Variants in DMD observed in about 807,000 individuals in gnomAD.
The protein encoded by DMD is dystrophin.
A neutral mutation model predicts 330.1 loss-of-function variants in DMD; 63 were observed. The ratio of observed to expected loss-of-function variants is 0.19; its 90% CI spans 0.16 to 0.24. The LOEUF (loss-of-function observed/expected upper bound fraction) is 0.24, where lower values mean the gene tolerates loss of function less well. Ranked by LOEUF, DMD falls within the 10% of genes least tolerant of loss-of-function variation. The pLI is 1.00. For synonymous variants in DMD, 1,223 were observed against 959.8 expected, an observed-to-expected ratio of 1.27 and a Z score of -5.07; for missense variants, 3,344 against 2,684.1, an observed-to-expected ratio of 1.25 and a Z score of -5.43.
At chrX:32,727,245 G>C (rs763846660) in intron 7 of DMD, among the ~76,000 whole-genome samples, 57 of 111,341 alleles carry the variant, frequency 5.1e-4, no homozygotes, top group African/African-American at 1.8e-3. Flanking sequence ...GCCCAGATTG[G>C]CTTAGATTAC....
chrX:31,823,530 T>A (rs1389052412), intron 49 of DMD, among the ~76,000 whole-genome samples: 1 of 111,623 alleles, frequency 9.0e-6, no homozygotes, highest in East Asian at 2.8e-4. Flanking sequence ...TATATATATA[T>A]GGGACTTGAA....
chrX:32,280,556 A>G (rs1012744956), intron 43 of DMD, among the ~76,000 whole-genome samples: 3 of 111,241 alleles, frequency 2.7e-5, no homozygotes, highest in Admixed American at 1.9e-4. Context: ...TAAGACTGCA[A>G]TGATAATCCT....
chrX:32,007,445 G>A (rs2095670764), intron 44 of DMD, among the ~76,000 whole-genome samples: 1 of 110,144 alleles, frequency 9.1e-6, no homozygotes, highest in Admixed American at 9.7e-5. Flanking sequence ...TTCCAGATTT[G>A]TGAGAGAATA....
intron 32 of DMD, among the ~76,000 whole-genome samples, chrX:32,387,644 C>T (rs1258009611): frequency 9.0e-6 from 1 of 111,184 alleles, no homozygotes; most frequent in Non-Finnish European, 1.9e-5. Flanking sequence ...TGTTAACATT[C>T]CTTCATCACT....
rs1025310913 is a variant in DMD at position 31,215,751 on chromosome X, T to C, written c.9362-6052A>G. On this transcript the variant is annotated intron_variant, in intron 64 of 78. Coordinates refer to ENST00000357033, the MANE Select transcript of DMD (RefSeq NM_004006.3). ...TCATAACATTATGTGTTTAAAAAAA[T>C]AGCTATTTGCCCCATTACTCCGTGT... Among the ~76,000 whole-genome samples, 3 of 112,286 alleles carry C rather than the reference T, an allele frequency of 2.7e-5. No homozygotes were observed. In the Admixed American group the frequency reaches 2.8e-4, roughly 11 times the overall value.
At chrX:31,344,880 C>T (rs1569529749) in intron 61 of DMD, among the ~76,000 whole-genome samples, 1 of 110,479 alleles carries the variant, frequency 9.1e-6, no homozygotes, top group Non-Finnish European at 1.9e-5. Flanking sequence ...CACACACACG[C>T]AACCACAAGA....
chrX:32,449,120 AT>A (rs2098318035), intron 26 of DMD, among the ~76,000 whole-genome samples: 1 of 111,091 alleles, frequency 9.0e-6, no homozygotes, highest in Non-Finnish European at 1.9e-5. Flanking sequence ...TTAGGAACAT[AT>A]TTTGATAAAA....
chrX:32,855,668 AG>A (rs1029351255), intron 2 of DMD, among the ~76,000 whole-genome samples: 7 of 112,227 alleles, frequency 6.2e-5, no homozygotes, highest in African/African-American at 2.3e-4. Context: ...TATCAATCTA[AG>A]TGGAACAAAG....
chrX:31,362,729 G>C (rs756830725), intron 60 of DMD, among the ~76,000 whole-genome samples: 2 of 112,902 alleles, frequency 1.8e-5, no homozygotes, highest in South Asian at 7.2e-4. Flanking sequence ...TGGATCACGA[G>C]GTCAGGAGAT....
intron 44 of DMD, among the ~76,000 whole-genome samples, chrX:32,091,689 A>G (rs2096476044): frequency 8.9e-6 from 1 of 112,039 alleles, no homozygotes; most frequent in Non-Finnish European, 1.9e-5. Flanking sequence ...AATGTTATCA[A>G]GACATTAATT....
chrX:32,118,307 G>C (rs2096619676), intron 44 of DMD, among the ~76,000 whole-genome samples: 2 of 111,564 alleles, frequency 1.8e-5, no homozygotes, highest in South Asian at 7.5e-4. Context: ...ATTATGCAGA[G>C]AAAAAAGTGA....
intron 29 of DMD, among the ~76,000 whole-genome samples, chrX:32,421,696 G>T (rs1176896343): frequency 1.8e-5 from 2 of 111,732 alleles, no homozygotes; most frequent in East Asian, 2.8e-4. Context: ...ACCCCACAAT[G>T]GCATCTTCTC....
At chrX:32,765,295 G>T (rs981649807) in intron 7 of DMD, among the ~76,000 whole-genome samples, 1 of 110,426 alleles carries the variant, frequency 9.1e-6, no homozygotes, top group Non-Finnish European at 1.9e-5. Context: ...AGTACTGTCC[G>T]CTTGGTACTA....
intron 44 of DMD, among the ~76,000 whole-genome samples, chrX:32,086,951 T>G (rs111678236): frequency 8.0e-5 from 9 of 111,822 alleles, no homozygotes; most frequent in African/African-American, 2.9e-4. Flanking sequence ...ACCTGCAAAG[T>G]TCAGCACAAT....
chrX:32,390,322 T>A (rs1211725415), intron 30 of DMD, 141 bp from the exon 31 acceptor site: 2 of 503,981 alleles, frequency 4.0e-6, no homozygotes, highest in Non-Finnish European at 7.0e-6. Flanking sequence ...CCAAGAGTGG[T>A]GGTTCACACC....
chrX:32,718,521 C>T (rs1262930799), intron 7 of DMD, among the ~76,000 whole-genome samples: 1 of 111,620 alleles, frequency 9.0e-6, no homozygotes, highest in Non-Finnish European at 1.9e-5. Flanking sequence ...TTGTTTATAG[C>T]AATGTGAGAA....
At chrX:32,452,510 G>A (rs2098338581) in intron 26 of DMD, among the ~76,000 whole-genome samples, 1 of 89,428 alleles carries the variant, frequency 1.1e-5, no homozygotes, top group Non-Finnish European at 2.2e-5. Context: ...GGAAAGGAAA[G>A]GAAAGGAAAG....
intron 55 of DMD, among the ~76,000 whole-genome samples, chrX:31,527,950 T>C (rs1222121509): frequency 9.0e-6 from 1 of 111,148 alleles, no homozygotes. Flanking sequence ...GTGAACTCCG[T>C]TATATTGACC....
Position 31,451,216 on chromosome X carries a change from T to C in DMD, c.8938-6589A>G, listed in dbSNP as rs192349551. Among the ~76,000 whole-genome samples, 520 of 107,546 alleles carry C rather than the reference T, an allele frequency of 4.8e-3. 3 individuals are homozygous for C. The highest frequency in any genetic ancestry group is 0.017 in the African/African-American group (502 of 29,509). 93.4% of individuals were successfully genotyped at this position (107,546 alleles called of 115,157 possible). Reference sequence around the variant, plus strand: ...TTTCTTTCTTTCTTCCTTTCTTTTTTTCAAGAGACTTCTTTCTCTTTTTTC... The same window carrying C: ...TTTCTTTCTTTCTTCCTTTCTTTTTCTCAAGAGACTTCTTTCTCTTTTTTC... On this transcript the variant is annotated intron_variant, in intron 59 of 78. Coordinates refer to ENST00000357033, the MANE Select transcript of DMD (RefSeq NM_004006.3).
Sources: allele counts gnomAD v4.1 joint callset (sites outside exome capture counted in the v4.1 genomes callset), GRCh38; gene constraint gnomAD v4.1.1; transcripts MANE v1.5; gene names NCBI Gene and HGNC (gene_info 2026-07-23, HGNC 2026-07-21).